FAM83B: variants seen among roughly 807,000 people sequenced by gnomAD.
FAM83B encodes protein FAM83B.
A neutral mutation model predicts 38.8 loss-of-function variants in FAM83B; 26 were observed. That is an observed-to-expected ratio of 0.67 (90% CI 0.49 to 0.93). FAM83B has a LOEUF of 0.93. Among genes scored for constraint, FAM83B ranks in the 40% least tolerant of loss-of-function variants. The pLI, the probability that FAM83B is intolerant of heterozygous loss-of-function variation, is 0.00. For synonymous variants in FAM83B, 419 were observed against 423.1 expected (o/e 0.99, Z 0.12); for missense variants, 1,237 against 1,197.3 (o/e 1.03, Z -0.49).
intron 2 of FAM83B, among the ~76,000 whole-genome samples, chr6:54,885,529 G>A (rs1004811173): frequency 1.2e-4 from 18 of 151,808 alleles, no homozygotes; most frequent in Non-Finnish European, 2.2e-4. Context: ...GATTATTTTG[G>A]ATTTTCTAGA....
At chr6:54,899,546 C>T (rs2127581973) in intron 2 of FAM83B, among the ~76,000 whole-genome samples, 1 of 152,280 alleles carries the variant, frequency 6.6e-6, no homozygotes, top group East Asian at 1.9e-4. Flanking sequence ...TCTCACAATT[C>T]TGGAGACTTG....
In FAM83B at chr6:54,941,345, A is replaced by T. The variant is rs762277257; in HGVS notation, c.2374A>T (p.Asn792Tyr). 10 of 1,612,988 alleles carry T rather than the reference A, an allele frequency of 6.2e-6. No homozygotes were observed. In the Middle Eastern group the frequency reaches 1.3e-3, roughly 213 times the overall value. ...AGATAAGAAAGAAAATCTATCCAAA[A>T]ATAAAGCACCTGCCTTTTATAGATT... Reference protein sequence around the residue: ...TPDKKENLSKNKAPAFYRLCS... With the variant: ...TPDKKENLSKYKAPAFYRLCS... Residue 792 changes from asparagine (N) to tyrosine (Y), a missense_variant, in exon 5 of 5, where the codon AAT (asparagine) becomes TAT (tyrosine). Asn to Tyr is a moderately radical substitution (Grantham distance 143, BLOSUM62 -2). Coordinates refer to ENST00000306858, the MANE Select transcript of FAM83B (RefSeq NM_001010872.3).
chr6:54,919,697 T>G (rs111585639), intron 2 of FAM83B, among the ~76,000 whole-genome samples: 46 of 152,186 alleles, frequency 3.0e-4, no homozygotes, highest in African/African-American at 1.0e-3. Context: ...GTTGCCAAGA[T>G]GTCTAGTGTG....
chr6:54,892,326 T>A (rs1772423308), intron 2 of FAM83B, among the ~76,000 whole-genome samples: 1 of 151,924 alleles, frequency 6.6e-6, no homozygotes, highest in African/African-American at 2.4e-5. Flanking sequence ...GTTATATAAA[T>A]AAAATCATGT....
chr6:54,881,480 A>G (rs1378959260), intron 2 of FAM83B, among the ~76,000 whole-genome samples: 5 of 152,250 alleles, frequency 3.3e-5, no homozygotes, highest in Non-Finnish European at 5.9e-5. Flanking sequence ...AACACAGGCA[A>G]TAAATAAACA....
At chr6:54,868,748 A>C (rs1771776881) in intron 1 of FAM83B, among the ~76,000 whole-genome samples, 1 of 152,178 alleles carries the variant, frequency 6.6e-6, no homozygotes, top group African/African-American at 2.4e-5. Flanking sequence ...CTTGGATCAA[A>C]TTATGACTCA....
upstream of FAM83B, among the ~76,000 whole-genome samples, chr6:54,846,347 A>G (rs902523131): frequency 5.3e-5 from 8 of 152,140 alleles, no homozygotes; most frequent in African/African-American, 1.9e-4. Flanking sequence ...TCTTGAGCCC[A>G]GGGAAAAGCG....
chr6:54,904,156 T>A (rs190276093), intron 2 of FAM83B, among the ~76,000 whole-genome samples: 1 of 152,296 alleles, frequency 6.6e-6, no homozygotes, highest in Non-Finnish European at 1.5e-5. Context: ...TCAATGTTTT[T>A]AAAAACTTAT....
At chr6:54,863,330 A>AT (rs1771629497) in intron 1 of FAM83B, among the ~76,000 whole-genome samples, 1 of 152,166 alleles carries the variant, frequency 6.6e-6, no homozygotes. Context: ...ATTACCTAAC[A>AT]GTTTTTAGCA....
At chr6:54,889,601 A>G (rs1772356471) in intron 2 of FAM83B, among the ~76,000 whole-genome samples, 1 of 152,122 alleles carries the variant, frequency 6.6e-6, no homozygotes, top group Non-Finnish European at 1.5e-5. Flanking sequence ...GATTGTTTAT[A>G]CTACCTAGTA....
intron 1 of FAM83B, among the ~76,000 whole-genome samples, chr6:54,847,792 T>C (rs894706845): frequency 6.6e-6 from 1 of 152,124 alleles, no homozygotes; most frequent in Non-Finnish European, 1.5e-5. Flanking sequence ...GGTGAAGTTA[T>C]AGGGTCTCTC....
At chr6:54,918,850 C>G (rs992632977) in intron 2 of FAM83B, among the ~76,000 whole-genome samples, 7 of 152,096 alleles carry the variant, frequency 4.6e-5, no homozygotes, top group Non-Finnish European at 1.5e-5. Context: ...TCTCTGTCTT[C>G]CAGCATCCCC....
intron 4 of FAM83B, 78 bp from the exon 5 acceptor site, chr6:54,939,628 A>G: frequency 7.6e-7 from 1 of 1,319,512 alleles, no homozygotes; most frequent in South Asian, 1.6e-5. Context: ...ATAGTCATTA[A>G]GTGATACTTT....
At chr6:54,873,536 G>A (rs542841499) in intron 2 of FAM83B, among the ~76,000 whole-genome samples, 1 of 152,172 alleles carries the variant, frequency 6.6e-6, no homozygotes, top group South Asian at 2.1e-4. Context: ...ATCAATGGGA[G>A]CCTAATAGTC....
chr6:54,874,360 C>T (rs1216383084), intron 2 of FAM83B, among the ~76,000 whole-genome samples: 1 of 152,072 alleles, frequency 6.6e-6, no homozygotes, highest in East Asian at 1.9e-4. Flanking sequence ...TACTTGTGCC[C>T]TAAAGGGACA....
chr6:54,873,686 T>C (rs1168747406), intron 2 of FAM83B, among the ~76,000 whole-genome samples: 2 of 138,978 alleles, frequency 1.4e-5, no homozygotes, highest in Non-Finnish European at 3.1e-5. Flanking sequence ...TTTTAATGGA[T>C]AAAGTTTTTT....
chr6:54,899,159 A>G (rs1382911467), intron 2 of FAM83B, among the ~76,000 whole-genome samples: 1 of 152,196 alleles, frequency 6.6e-6, no homozygotes, highest in African/African-American at 2.4e-5. Context: ...AGAAAAAGTG[A>G]GTTTTAATTT....
intron 4 of FAM83B, among the ~76,000 whole-genome samples, chr6:54,928,747 A>G (rs1773362348): frequency 6.6e-6 from 1 of 152,134 alleles, no homozygotes; most frequent in East Asian, 1.9e-4. Context: ...AGTTCACTTG[A>G]CTTGTAGAAT....
At chr6:54,863,110 A>G (rs937546042) in intron 1 of FAM83B, among the ~76,000 whole-genome samples, 5 of 152,068 alleles carry the variant, frequency 3.3e-5, no homozygotes, top group Non-Finnish European at 7.4e-5. Context: ...GGCAAAACAA[A>G]TACTATTTTG....
Sources: gnomAD v4.1 joint callset for allele counts (sites outside exome capture counted in the v4.1 genomes callset) on GRCh38, gnomAD v4.1.1 for gene constraint, MANE v1.5 for transcripts, NCBI Gene and HGNC (gene_info 2026-07-23, HGNC 2026-07-21) for gene names.